The following CUL5 variants were observed in gnomAD, a reference collection of about 807,000 sequenced individuals.
CUL5 encodes the protein cullin 5.
CUL5 carries 26 observed loss-of-function variants against 108.8 expected under a neutral mutation model. The observed-to-expected ratio is 0.24, with a 90% CI of 0.18 to 0.33. The LOEUF is 0.33. Ranked by LOEUF, CUL5 falls within the 10% of genes least tolerant of loss-of-function variation. The pLI is 1.00. For missense variants in CUL5, 524 were observed against 909.2 expected, an observed-to-expected ratio of 0.58 and a Z score of 5.45; for synonymous variants, 334 against 298.0, an observed-to-expected ratio of 1.12 and a Z score of -1.25.
At chr11:108,028,557 G>A (rs1395550898) in intron 1 of CUL5, among the ~76,000 whole-genome samples, 3 of 152,022 alleles carry the variant, frequency 2.0e-5, no homozygotes, top group Non-Finnish European at 4.4e-5. Flanking sequence ...TGACACTTCA[G>A]GCCAGGTGCG....
At chr11:108,065,314 C>T (rs1863646184) in intron 7 of CUL5, among the ~76,000 whole-genome samples, 1 of 152,126 alleles carries the variant, frequency 6.6e-6, no homozygotes, top group Non-Finnish European at 1.5e-5. Flanking sequence ...TGAGCCACTG[C>T]ACCTGTTGGG....
intron 16 of CUL5, 50 bp downstream of exon 16, chr11:108,095,741 G>A: frequency 6.9e-7 from 1 of 1,443,206 alleles, no homozygotes; most frequent in Non-Finnish European, 9.5e-7. Flanking sequence ...CATGTAGCAG[G>A]AAATATATGA....
intron 11 of CUL5, among the ~76,000 whole-genome samples, chr11:108,081,826 T>C (rs1206455381): frequency 1.3e-5 from 2 of 152,206 alleles, no homozygotes; most frequent in Admixed American, 1.3e-4. Context: ...GTTTATATAT[T>C]TGTCCTTATG....
intron 18 of CUL5, among the ~76,000 whole-genome samples, chr11:108,103,252 G>C (rs925007236): frequency 6.6e-6 from 1 of 152,104 alleles, no homozygotes; most frequent in African/African-American, 2.4e-5. Context: ...AGATGAAAAA[G>C]ATTTATTTCT....
At chr11:108,052,607 C>T (rs1863261305) in intron 4 of CUL5, 53 bp from the exon 5 acceptor site, 18 of 1,499,882 alleles carry the variant, frequency 1.2e-5, no homozygotes, top group Non-Finnish European at 1.6e-5. Flanking sequence ...GTACATGATA[C>T]TTTGTATATT....
intron 10 of CUL5, among the ~76,000 whole-genome samples, chr11:108,076,996 C>G (rs1358256341): frequency 6.6e-6 from 1 of 152,190 alleles, no homozygotes; most frequent in Non-Finnish European, 1.5e-5. Flanking sequence ...AATGTTGAGT[C>G]TGGAGCTTAA....
chr11:108,099,225 G>A (rs1864580958), intron 18 of CUL5, among the ~76,000 whole-genome samples: 2 of 152,092 alleles, frequency 1.3e-5, no homozygotes, highest in Admixed American at 6.5e-5. Context: ...GGCTGGTCTC[G>A]AACTCCTGGG....
At chr11:108,090,855 G>C (rs931355061) in intron 13 of CUL5, among the ~76,000 whole-genome samples, 1 of 151,944 alleles carries the variant, frequency 6.6e-6, no homozygotes, top group Non-Finnish European at 1.5e-5. Flanking sequence ...GGAACTTTAG[G>C]ATAGTAAAAA....
rs1245640895 is a variant in CUL5, at chr11:108,092,610, A to G, written c.1444-1781A>G. Among the ~76,000 whole-genome samples the G allele has an allele frequency of 2.0e-5, 3 of 152,208 alleles. No individual in the cohort carries two copies. The East Asian group carries it at 5.8e-4, about 29-fold the overall frequency. On this transcript the variant is annotated intron_variant, in intron 13 of 18. Transcript: ENST00000393094. ...AAGCCAATCCCAAAGACCATATCGT[A>G]TGATTCCACTAATGTGAAGTGTCCA... is the stretch of plus-strand genomic sequence containing the variant.
chr11:108,103,013 C>G (rs1037319326), intron 18 of CUL5, among the ~76,000 whole-genome samples: 1 of 152,122 alleles, frequency 6.6e-6, no homozygotes, highest in African/African-American at 2.4e-5. Flanking sequence ...CCAGGCTGTT[C>G]TCAAACTCCT....
intron 2 of CUL5, among the ~76,000 whole-genome samples, chr11:108,041,926 C>T (rs1319113117): frequency 6.6e-6 from 1 of 152,098 alleles, no homozygotes; most frequent in African/African-American, 2.4e-5. Context: ...TAAACTAACA[C>T]CAGTCAATGT....
chr11:108,016,345 C>T (rs1271904949), intron 1 of CUL5, among the ~76,000 whole-genome samples: 5 of 152,146 alleles, frequency 3.3e-5, no homozygotes, highest in Non-Finnish European at 5.9e-5. Flanking sequence ...CAGCTCCCTA[C>T]AGCCTTGACC....
chr11:108,033,209 A>G (rs1022735857), intron 1 of CUL5, among the ~76,000 whole-genome samples: 2 of 152,216 alleles, frequency 1.3e-5, no homozygotes, highest in Non-Finnish European at 2.9e-5. Context: ...CTCTCCCGGC[A>G]TCAATGTATG....
At chr11:108,052,878 G>A in intron 5 of CUL5, 77 bp downstream of exon 5, 1 of 1,287,114 alleles carries the variant, frequency 7.8e-7, no homozygotes. Context: ...CACAATCAAA[G>A]TTAAGTTTAT....
intron 18 of CUL5, among the ~76,000 whole-genome samples, chr11:108,099,546 GAATA>G (rs1864592779): frequency 6.6e-6 from 1 of 152,238 alleles, no homozygotes; most frequent in Admixed American, 6.5e-5. Flanking sequence ...AAGGAGAGTT[GAATA>G]AATAGAAAGG....
At chr11:108,033,755 T>G in intron 1 of CUL5, 47 bp from the exon 2 acceptor site, 1 of 1,190,072 alleles carries the variant, frequency 8.4e-7, no homozygotes, top group Non-Finnish European at 1.2e-6. Flanking sequence ...TACTTTTTAT[T>G]TAACTGCATT....
At position 108,075,192 on chromosome 11, in the gene CUL5, AT is replaced by A. The variant is rs1021938662; in HGVS notation, c.1113+1709del. ...AGAGGTGGTCAAAAGTAGTTCGATA[AT>A]TTTTTTTTTTTTTAATGCAAGTAGC... On this transcript the variant is annotated intron_variant, in intron 10 of 18. Transcript: ENST00000393094. Among the ~76,000 whole-genome samples the A allele has an allele frequency of 4.2e-3, 618 of 145,996 alleles. 1 individual carries two copies. The highest frequency in any genetic ancestry group is 0.015 in the East Asian group (77 of 5,046).
chr11:108,040,706 C>T (rs1862879254), intron 2 of CUL5, among the ~76,000 whole-genome samples: 1 of 151,268 alleles, frequency 6.6e-6, no homozygotes, highest in Admixed American at 6.6e-5. Flanking sequence ...GATCCTTGAG[C>T]ACAGGAGTTT....
chr11:108,037,999 CTCTT>C (rs1268039990), intron 2 of CUL5, among the ~76,000 whole-genome samples: 2 of 152,288 alleles, frequency 1.3e-5, no homozygotes, highest in South Asian at 4.1e-4. Flanking sequence ...ATCGTTTTCT[CTCTT>C]TATCACTTAA....
Sources: gnomAD v4.1 joint callset for allele counts (sites outside exome capture counted in the v4.1 genomes callset) on GRCh38, gnomAD v4.1.1 for gene constraint, MANE v1.5 for transcripts, NCBI Gene and HGNC (gene_info 2026-07-23, HGNC 2026-07-21) for gene names.